Variants in LVRN observed in about 807,000 individuals in gnomAD.
LVRN encodes the protein laeverin.
LVRN carries 99 observed loss-of-function variants against 111.4 expected under a neutral mutation model. The ratio of observed to expected loss-of-function variants is 0.89; its 90% confidence interval spans 0.76 to 1.05. The LOEUF is 1.05. LVRN is among the 50% of genes least tolerant of loss of function. The pLI is 0.00. For synonymous variants in LVRN, 488 were observed against 449.5 expected (o/e 1.09, Z -1.08); for missense variants, 1,414 against 1,206.8 (o/e 1.17, Z -2.54).
rs1203260983 is a variant in LVRN at position 116,021,499 on chromosome 5, G to A, written c.2757-892G>A. 17 of 226,556 alleles carry A rather than the reference G, an allele frequency of 7.5e-5. 1 individual carries two copies. Among genetic ancestry groups the A allele is most frequent in the Non-Finnish European group, 1.2e-4 (14 of 113,764 alleles). 14.0% of individuals were successfully genotyped at this position (226,556 alleles called of 1,614,324 possible). On this transcript the variant is annotated intron_variant, in intron 18 of 19. Transcript: ENST00000357872. ...TTCACGTTGCTCAGGTAGACCCAGT[G>A]TAAGTTACAGCTAGAAAGTTAGAAA...
chr5:116,024,150 A>G (rs1748813837), intron 19 of LVRN, among the ~76,000 whole-genome samples: 1 of 152,170 alleles, frequency 6.6e-6, no homozygotes, highest in East Asian at 1.9e-4. Context: ...TTGATCGTGT[A>G]TATGGTTTCA....
At chr5:116,025,745 C>G (rs1466113574) in intron 19 of LVRN, among the ~76,000 whole-genome samples, 2 of 152,182 alleles carry the variant, frequency 1.3e-5, no homozygotes, top group Non-Finnish European at 2.9e-5. Context: ...GGCATAGTTT[C>G]TGCTTCATGC....
chr5:116,013,459 C>T (rs1748532241), intron 15 of LVRN, among the ~76,000 whole-genome samples: 1 of 152,034 alleles, frequency 6.6e-6, no homozygotes, highest in African/African-American at 2.4e-5. Context: ...TTATAGCATC[C>T]CAGGGACAGT....
At chr5:115,994,714 A>T (rs1748068870) in intron 6 of LVRN, among the ~76,000 whole-genome samples, 1 of 152,248 alleles carries the variant, frequency 6.6e-6, no homozygotes, top group Admixed American at 6.5e-5. Context: ...AAATACATCA[A>T]TGTGAAAATC....
chr5:116,018,876 T>C (rs1049812808), intron 18 of LVRN, among the ~76,000 whole-genome samples: 1 of 152,182 alleles, frequency 6.6e-6, no homozygotes, highest in African/African-American at 2.4e-5. Flanking sequence ...AGGGTAGTTT[T>C]AAGTTCACAG....
At chr5:116,025,926 G>A (rs1269400636) in intron 19 of LVRN, 52 bp from the exon 20 acceptor site, 1 of 1,601,076 alleles carries the variant, frequency 6.2e-7, no homozygotes, top group African/African-American at 1.3e-5. Context: ...CATTTACTTT[G>A]TCCAAATGGG....
chr5:116,002,182 C>A (rs913212168), intron 10 of LVRN, among the ~76,000 whole-genome samples: 3 of 152,310 alleles, frequency 2.0e-5, no homozygotes, highest in African/African-American at 7.2e-5. Flanking sequence ...CAGATAAACA[C>A]AGACCCACAG....
intron 4 of LVRN, among the ~76,000 whole-genome samples, chr5:115,988,242 C>T (rs372628291): frequency 6.6e-6 from 1 of 152,284 alleles, no homozygotes. Flanking sequence ...TGAGTTCAGG[C>T]CTTTTCTCTC....
chr5:115,982,066 A>G (rs1388402912), intron 1 of LVRN, among the ~76,000 whole-genome samples: 2 of 152,224 alleles, frequency 1.3e-5, no homozygotes, highest in African/African-American at 2.4e-5. Flanking sequence ...GCCAGAGCCC[A>G]CAGGGCTCGT....
At chr5:116,002,955 T>C in intron 11 of LVRN, 44 bp downstream of exon 11, 1 of 1,399,652 alleles carries the variant, frequency 7.1e-7, no homozygotes, top group Non-Finnish European at 9.9e-7. Flanking sequence ...TATGCATATG[T>C]AAAGGCAGGG....
At position 116,002,850 on chromosome 5, in the gene LVRN, C is replaced by A; in HGVS notation, c.1836C>A (p.Val612=). ...TLLTSNDTWI[V]PILWIKNGTT... ...TTCCAATAAGTGACACATGGATTGTCCCTATTCTTTGGATAAAAAATGGAA... is the reference window on the plus strand; with the variant it reads ...TTCCAATAAGTGACACATGGATTGTACCTATTCTTTGGATAAAAAATGGAA... The change falls in exon 11 of 20, where the codon GTC becomes GTA. Residue 612 remains valine (V), a synonymous_variant. Transcript: ENST00000357872. 1 of 1,608,508 alleles carries A rather than the reference C, an allele frequency of 6.2e-7. No homozygotes were observed. The highest frequency in any genetic ancestry group is 2.2e-5 in the East Asian group (1 of 44,712).
intron 13 of LVRN, among the ~76,000 whole-genome samples, chr5:116,009,152 C>A (rs1748437067): frequency 6.6e-6 from 1 of 152,148 alleles, no homozygotes; most frequent in African/African-American, 2.4e-5. Flanking sequence ...TATGCTAAAT[C>A]AACTCTGCTT....
In LVRN at chr5:116,026,919, A is replaced by G. The variant is rs1297753602; in HGVS notation, c.*801A>G. The G allele has an allele frequency of 6.6e-6, 1 of 152,256 alleles. No homozygotes were observed. The highest frequency in any genetic ancestry group is 1.5e-5 in the Non-Finnish European group (1 of 68,058). The allele number at this position is 152,256 out of a possible 1,614,324, so 9.4% of individuals were successfully genotyped here. On this transcript the variant is annotated 3_prime_UTR_variant, in exon 20 of 20. Transcript: ENST00000357872. ...TTTCAGCCTAAGCGTACGAGTGAAA[A>G]CAATGATGTCAAAAGACAATAGCAA...
rs1052424477 is a variant in LVRN, at chr5:115,972,493, T to A, written c.695+9181T>A. ...ATCTTTTTATTTAAAAAAAAGCTTT[T>A]AATTTTCCATTAAATTCTCTACATA... On this transcript the variant is annotated intron_variant, in intron 1 of 19. Transcript: ENST00000357872. 2.6e-5 allele frequency among the ~76,000 whole-genome samples: 4 copies of A among 151,892 alleles called. No homozygotes were observed. The South Asian group carries it at 8.3e-4, about 31-fold the overall frequency.
Position 116,026,270 on chromosome 5 carries a change from C to A in LVRN, c.*152C>A. On this transcript the variant is annotated 3_prime_UTR_variant, in exon 20 of 20. Coordinates refer to ENST00000357872, the MANE Select transcript of LVRN (RefSeq NM_173800.5). ...CAGAGTGCCATTCTTCTCATATTGT[C>A]ATGTTTGGCCCTGAGGGTGGGTGAT... 1 of 1,201,980 alleles carries A rather than the reference C, an allele frequency of 8.3e-7. No individual in the cohort carries two copies. Among genetic ancestry groups the A allele is most frequent in the Non-Finnish European group, 1.2e-6 (1 of 869,202 alleles). The allele number at this position is 1,201,980 out of a possible 1,614,324, so 74.5% of individuals were successfully genotyped here.
chr5:116,001,317 A>ACGCTTCTTCACCCAC, intron 10 of LVRN, 78 bp downstream of exon 10: 2 of 1,504,936 alleles, frequency 1.3e-6, no homozygotes, highest in Non-Finnish European at 1.8e-6. Flanking sequence ...CCTGTGGGTG[A>ACGCTTCTTCACCCAC]AGAAGCGTTA....
chr5:115,972,926 C>G (rs1186583426), intron 1 of LVRN, among the ~76,000 whole-genome samples: 1 of 150,618 alleles, frequency 6.6e-6, no homozygotes, highest in Non-Finnish European at 1.5e-5. Flanking sequence ...ATAAACTAGC[C>G]TTGCATTTTT....
chr5:116,014,118 G>C (rs1215499399), intron 15 of LVRN, among the ~76,000 whole-genome samples: 1 of 152,188 alleles, frequency 6.6e-6, no homozygotes, highest in Non-Finnish European at 1.5e-5. Flanking sequence ...GACAACAGCT[G>C]TGGAGAGTGT....
At chr5:115,963,349 C>T (rs766921346) in intron 1 of LVRN, 37 bp downstream of exon 1, 19 of 1,493,656 alleles carry the variant, frequency 1.3e-5, no homozygotes, top group Middle Eastern at 2.3e-4. Flanking sequence ...TCTCGGCCCC[C>T]GCCCCTGCGT....
Sources: allele counts gnomAD v4.1 joint callset (sites outside exome capture counted in the v4.1 genomes callset), GRCh38; gene constraint gnomAD v4.1.1; transcripts MANE v1.5; gene names NCBI Gene and HGNC (gene_info 2026-07-23, HGNC 2026-07-21).